Variants in PRUNE2 observed in about 807,000 individuals in gnomAD.
The protein encoded by PRUNE2 is protein prune homolog 2.
In PRUNE2, 164 loss-of-function variants were observed where a neutral mutation model predicts 252.0. That is an observed-to-expected ratio of 0.65 (90% CI 0.57 to 0.74). The LOEUF is 0.74. Ranked by LOEUF, PRUNE2 falls within the 30% of genes least tolerant of loss-of-function variation. The pLI is 0.00. For missense variants in PRUNE2, 3,495 were observed against 3,711.0 expected (o/e 0.94, Z 1.51); for synonymous variants, 1,292 against 1,350.2 (o/e 0.96, Z 0.94).
At position 76,705,298 on chromosome 9, in the gene PRUNE2, C is replaced by T. The variant is rs534791996; in HGVS notation, c.6976G>A (p.Glu2326Lys). 25 of 1,613,986 alleles carry T rather than the reference C, an allele frequency of 1.5e-5. No individual in the cohort carries two copies. The highest frequency in any genetic ancestry group is 8.0e-5 in the African/African-American group (6 of 75,030). ...IDDMSKLTLS[E>K]GHPETPVDGD... ...TCAACTGGCGTTTCCGGATGGCCTT[C>T]GGATAATGTCAGTTTACTCATGTCA... The change falls in exon 8 of 19, where the codon GAA becomes AAA. Residue 2326 changes from glutamate to lysine, a missense_variant. By Grantham distance (56) the Glu-to-Lys change is moderately conservative. Coordinates refer to ENST00000376718, the MANE Select transcript of PRUNE2 (RefSeq NM_015225.3).
At chr9:76,631,114 C>T (rs1019217868) in intron 15 of PRUNE2, among the ~76,000 whole-genome samples, 3 of 152,216 alleles carry the variant, frequency 2.0e-5, no homozygotes, top group Non-Finnish European at 4.4e-5. Context: ...TCTGTCCCTC[C>T]TGATAAGTCT....
chr9:76,854,419 G>A (rs929535840), intron 1 of PRUNE2, among the ~76,000 whole-genome samples: 10 of 152,094 alleles, frequency 6.6e-5, no homozygotes, highest in East Asian at 1.9e-4. Context: ...TAAACTTTCT[G>A]GAAGAGAAAA....
intron 11 of PRUNE2, among the ~76,000 whole-genome samples, chr9:76,649,938 CT>C (rs11448854): frequency 6.8e-5 from 10 of 147,146 alleles, no homozygotes; most frequent in East Asian, 2.0e-4. Flanking sequence ...GTAACGCTTA[CT>C]TTTTTTTTTT....
At chr9:76,625,192 T>C (rs1834151324) in intron 16 of PRUNE2, 1 of 469,876 alleles carries the variant, frequency 2.1e-6, no homozygotes, top group African/African-American at 2.0e-5. Flanking sequence ...CCATGTAACA[T>C]CATTTGGGTC....
chr9:76,672,229 C>CA (rs893158770), intron 9 of PRUNE2, among the ~76,000 whole-genome samples: 3 of 125,288 alleles, frequency 2.4e-5, no homozygotes, highest in Non-Finnish European at 1.7e-5. Flanking sequence ...AAATGGAAAA[C>CA]AAAAAAAGGC....
At chr9:76,629,402 T>C in intron 15 of PRUNE2, 112 bp from the exon 16 acceptor site, 1 of 566,452 alleles carries the variant, frequency 1.8e-6, no homozygotes, top group Non-Finnish European at 3.1e-6. Flanking sequence ...CACAGCACTC[T>C]TACTAAGAGG....
In PRUNE2 at chr9:76,644,740, T is replaced by A. The variant is rs1388661068; in HGVS notation, c.8727A>T (p.Gly2909=). The A allele has an allele frequency of 1.9e-6, 3 of 1,613,412 alleles. No homozygotes were observed. The highest frequency in any genetic ancestry group is 2.5e-6 in the Non-Finnish European group (3 of 1,179,574). ...IEPYRRVISH[G]GYYGDGLNAI... ...CAGATTCATGCTGAGCTCGACTACC[T>A]CCGTGAGAAATGACTCTCCTGTAGG... is the stretch of plus-strand genomic sequence containing the variant. Residue 2909 remains glycine (G), a splice_region_variant and synonymous_variant, in exon 12 of 19, where the codon GGA becomes GGT. Coordinates refer to ENST00000376718, the MANE Select transcript of PRUNE2 (RefSeq NM_015225.3).
intron 16 of PRUNE2, among the ~76,000 whole-genome samples, chr9:76,626,949 A>G (rs1835063739): frequency 6.6e-6 from 1 of 152,168 alleles, no homozygotes; most frequent in Non-Finnish European, 1.5e-5. Flanking sequence ...AAGTCTCTAA[A>G]GCCCATTCAC....
chr9:76,694,222 G>A (rs1393220864), intron 9 of PRUNE2, among the ~76,000 whole-genome samples: 3 of 151,756 alleles, frequency 2.0e-5, no homozygotes, highest in East Asian at 1.9e-4. Flanking sequence ...GCCCAGGTTC[G>A]CCCAGGCTGG....
chr9:76,869,565 T>C (rs2061066818), intron 1 of PRUNE2, among the ~76,000 whole-genome samples: 1 of 152,168 alleles, frequency 6.6e-6, no homozygotes, highest in African/African-American at 2.4e-5. Flanking sequence ...TTTATTAAAA[T>C]ACACATTTTA....
At chr9:76,667,382 A>C (rs780621613) in intron 9 of PRUNE2, among the ~76,000 whole-genome samples, 1 of 152,254 alleles carries the variant, frequency 6.6e-6, no homozygotes, top group Non-Finnish European at 1.5e-5. Flanking sequence ...CAGGACGCCC[A>C]AGTGAGCAGC....
In PRUNE2 at chr9:76,866,778, G is replaced by A. The variant is rs113913061; in HGVS notation, c.37-12570C>T. ...AGGAGGAAGGGAAAGAAAAGAGAGCGAGAGAAAGAGCGAGAGAGAATGGAA... is the reference window on the plus strand; with the variant it reads ...AGGAGGAAGGGAAAGAAAAGAGAGCAAGAGAAAGAGCGAGAGAGAATGGAA... On this transcript the variant is annotated intron_variant, in intron 1 of 18. Coordinates refer to ENST00000376718, the MANE Select transcript of PRUNE2 (RefSeq NM_015225.3). Among the ~76,000 whole-genome samples the A allele has an allele frequency of 3.3e-3, 501 of 152,092 alleles. 3 individuals are homozygous for A. Among genetic ancestry groups the A allele is most frequent in the African/African-American group, 0.011 (464 of 41,496 alleles).
chr9:76,764,295 T>C (rs780831667), intron 6 of PRUNE2: 17 of 152,134 alleles, frequency 1.1e-4, no homozygotes, highest in Non-Finnish European at 2.2e-4. Flanking sequence ...GTCAACATAG[T>C]GTGACGGGAA....
intron 6 of PRUNE2, among the ~76,000 whole-genome samples, chr9:76,745,605 C>T (rs1313921319): frequency 6.6e-6 from 1 of 152,118 alleles, no homozygotes; most frequent in Admixed American, 6.5e-5. Context: ...TTGCCTAGTA[C>T]CTCCCCCTTC....
chr9:76,696,890 C>G (rs529337481), intron 9 of PRUNE2, among the ~76,000 whole-genome samples: 265 of 152,340 alleles, frequency 1.7e-3, no homozygotes, highest in African/African-American at 6.1e-3. Flanking sequence ...TCTGTCTCCC[C>G]ACTCCTGGGG....
Position 76,709,382 on chromosome 9 carries a change from A to T in PRUNE2, c.2892T>A (p.Asp964Glu). The part of the protein sequence containing the change: ...LGEDSVPSPL[D>E]TNYSTSDSYT... ...AAGAGTCTGAGGTGGAATAATTGGTATCTAAGGGGGAAGGCACCGAATCTT... is the reference window on the plus strand; with the variant it reads ...AAGAGTCTGAGGTGGAATAATTGGTTTCTAAGGGGGAAGGCACCGAATCTT... The change falls in exon 8 of 19, where the codon GAT becomes GAA. Residue 964 changes from aspartate (D) to glutamate (E), a missense_variant. Coordinates refer to ENST00000376718, the MANE Select transcript of PRUNE2 (RefSeq NM_015225.3). 1.2e-6 allele frequency: 2 copies of T among 1,614,010 alleles called. No homozygotes were observed. The highest frequency in any genetic ancestry group is 1.7e-6 in the Non-Finnish European group (2 of 1,179,870).
chr9:76,857,128 G>A (rs1326447306), intron 1 of PRUNE2: 2 of 455,734 alleles, frequency 4.4e-6, no homozygotes, highest in East Asian at 7.0e-5. Flanking sequence ...TTCCTTCATG[G>A]TCATGGCCTC....
intron 6 of PRUNE2, chr9:76,784,041 A>G (rs2054709805): frequency 6.6e-6 from 1 of 152,012 alleles, no homozygotes; most frequent in African/African-American, 2.4e-5. Flanking sequence ...GCTCACTTGG[A>G]TTTATCCTCA....
chr9:76,878,493 A>G (rs2061586793), intron 1 of PRUNE2, among the ~76,000 whole-genome samples: 2 of 152,232 alleles, frequency 1.3e-5, no homozygotes, highest in Non-Finnish European at 2.9e-5. Context: ...ATCCTTAGAG[A>G]GAAGCTCTGT....
Sources: allele counts gnomAD v4.1 joint callset (sites outside exome capture counted in the v4.1 genomes callset), GRCh38; gene constraint gnomAD v4.1.1; transcripts MANE v1.5; gene names NCBI Gene and HGNC (gene_info 2026-07-23, HGNC 2026-07-21).